The following NEK10 variants were observed in gnomAD, a reference collection of about 807,000 sequenced individuals.
NEK10 encodes NIMA related kinase 10.
Under a neutral mutation model 159.8 loss-of-function variants are expected in NEK10, and 122 were observed. The ratio of observed to expected loss-of-function variants is 0.76; its 90% CI spans 0.66 to 0.89. NEK10 has a LOEUF of 0.89. Among genes scored for constraint, NEK10 ranks in the 40% least tolerant of loss-of-function variants. The pLI, the probability that NEK10 is intolerant of heterozygous loss-of-function variation, is 0.00. For synonymous variants in NEK10, 466 were observed against 457.1 expected (o/e 1.02, Z -0.25); for missense variants, 1,342 against 1,323.1 (o/e 1.01, Z -0.22).
chr3:27,153,615 C>T (rs1031010276), intron 30 of NEK10, among the ~76,000 whole-genome samples: 2 of 152,216 alleles, frequency 1.3e-5, no homozygotes, highest in Non-Finnish European at 2.9e-5. Context: ...CTCTCTTAGA[C>T]CACAGTGGAC....
intron 26 of NEK10, among the ~76,000 whole-genome samples, chr3:27,187,079 T>C (rs1215092116): frequency 2.6e-5 from 4 of 152,176 alleles, no homozygotes; most frequent in Admixed American, 1.3e-4. Context: ...GGTAATTCTT[T>C]GGGTTTAAGC....
chr3:27,116,595 T>C (rs1266969312), intron 33 of NEK10, among the ~76,000 whole-genome samples: 3 of 152,154 alleles, frequency 2.0e-5, no homozygotes. Context: ...TTCATATAGC[T>C]GCCTAGAGGG....
At chr3:27,307,715 T>C (rs1012596285) in intron 11 of NEK10, 144 bp downstream of exon 11, 1 of 624,128 alleles carries the variant, frequency 1.6e-6, no homozygotes, top group Non-Finnish European at 2.8e-6. Context: ...ATTTTCTTTA[T>C]ATAAACTTAA....
At chr3:27,255,869 C>A (rs760412696) in intron 23 of NEK10, among the ~76,000 whole-genome samples, 1 of 152,050 alleles carries the variant, frequency 6.6e-6, no homozygotes, top group Non-Finnish European at 1.5e-5. Context: ...TATTAGTGTA[C>A]AAAAATCCTT....
intron 26 of NEK10, among the ~76,000 whole-genome samples, chr3:27,182,840 C>T (rs1030896341): frequency 6.6e-6 from 1 of 151,856 alleles, no homozygotes; most frequent in Non-Finnish European, 1.5e-5. Flanking sequence ...AAGAGAAATA[C>T]AAAATGTTCC....
intron 30 of NEK10, among the ~76,000 whole-genome samples, chr3:27,158,572 T>C (rs1163647210): frequency 6.6e-6 from 1 of 152,130 alleles, no homozygotes; most frequent in East Asian, 1.9e-4. Flanking sequence ...TAGGAAAACA[T>C]AATTAAGGAC....
At chr3:27,185,895 C>A (rs1306846413) in intron 26 of NEK10, among the ~76,000 whole-genome samples, 1 of 152,076 alleles carries the variant, frequency 6.6e-6, no homozygotes, top group African/African-American at 2.4e-5. Context: ...ATGCAAGATA[C>A]TGAGAATGAG....
intron 30 of NEK10, 45 bp from the exon 31 acceptor site, chr3:27,141,627 G>T (rs542814838): frequency 2.1e-6 from 3 of 1,423,182 alleles, no homozygotes; most frequent in South Asian, 1.2e-5. Context: ...TCTTTCAAAA[G>T]TTACATTAGT....
intron 30 of NEK10, among the ~76,000 whole-genome samples, chr3:27,144,209 A>ATC (rs1944066417): frequency 1.3e-5 from 2 of 152,078 alleles, no homozygotes; most frequent in Admixed American, 1.3e-4. Flanking sequence ...TTTTTCACTT[A>ATC]GTCTATCATG....
At chr3:27,175,587 C>G (rs1358650005) in intron 26 of NEK10, among the ~76,000 whole-genome samples, 2 of 152,102 alleles carry the variant, frequency 1.3e-5, no homozygotes, top group African/African-American at 2.4e-5. Context: ...AAGAGAAAGA[C>G]CGTGCGGAAG....
At chr3:27,314,103 A>G (rs1286670469) in intron 7 of NEK10, among the ~76,000 whole-genome samples, 194 bp downstream of exon 7, 2 of 152,174 alleles carry the variant, frequency 1.3e-5, no homozygotes, top group Non-Finnish European at 2.9e-5. Flanking sequence ...CCAATTAGCC[A>G]GAACAAAATG....
intron 23 of NEK10, among the ~76,000 whole-genome samples, chr3:27,251,108 A>G (rs535654182): frequency 6.6e-6 from 1 of 152,312 alleles, no homozygotes; most frequent in Non-Finnish European, 1.5e-5. Flanking sequence ...ATCCTAGGAC[A>G]TGGGCACTAT....
intron 23 of NEK10, among the ~76,000 whole-genome samples, chr3:27,240,042 T>A (rs937031687): frequency 3.3e-5 from 5 of 152,220 alleles, no homozygotes; most frequent in African/African-American, 9.6e-5. Context: ...TCAAACTAAA[T>A]GTTCCTTTTC....
chr3:27,129,367 G>A (rs1416000293), intron 32 of NEK10, among the ~76,000 whole-genome samples: 2 of 152,024 alleles, frequency 1.3e-5, no homozygotes, highest in African/African-American at 2.4e-5. Context: ...TAGAAATCAA[G>A]TGCATTTACG....
chr3:27,284,513 A>G (rs567521740), intron 22 of NEK10, 89 bp downstream of exon 22: 18 of 748,974 alleles, frequency 2.4e-5, no homozygotes, highest in African/African-American at 2.2e-4. Context: ...GAACATTCCC[A>G]TGAGTGCCAA....
intron 15 of NEK10, among the ~76,000 whole-genome samples, chr3:27,294,430 G>A (rs752332283): frequency 1.3e-5 from 2 of 152,188 alleles, no homozygotes; most frequent in Non-Finnish European, 2.9e-5. Context: ...AAGGAGCCAG[G>A]TGAGAGCAGT....
In NEK10 at chr3:27,109,378, TAAAAAAA is replaced by T. The variant is rs369638958; in HGVS notation, c.*1887_*1893del. 1.4e-4 allele frequency among the ~76,000 whole-genome samples: 17 copies of T among 117,248 alleles called. No homozygotes were observed. The highest frequency in any genetic ancestry group is 7.8e-4 in the East Asian group (3 of 3,864). The allele number at this position is 117,248 out of a possible 152,430, so 76.9% of individuals were successfully genotyped here. ...TGGGCAACAGAGTGAGACTCTGTCT[TAAAAAAA>T]AAAAAAAAAAAAAAGAGTTAGATGG... On this transcript the variant is annotated 3_prime_UTR_variant, in exon 36 of 36. Transcript: ENST00000691995.
intron 23 of NEK10, among the ~76,000 whole-genome samples, chr3:27,244,523 C>T (rs1559352712): frequency 6.6e-6 from 1 of 152,128 alleles, no homozygotes; most frequent in Non-Finnish European, 1.5e-5. Flanking sequence ...AGGGACACTG[C>T]AGGAGGAAGA....
At position 27,273,008 on chromosome 3, in the gene NEK10, CCT is replaced by C. The variant is rs59970315; in HGVS notation, c.2014+11592_2014+11593del. 6.5e-3 allele frequency among the ~76,000 whole-genome samples: 996 copies of C among 152,232 alleles called. 47 individuals carry two copies. Among genetic ancestry groups the C allele is most frequent in the Admixed American group, 0.055 (834 of 15,288 alleles). The stretch of plus-strand genomic sequence containing the variant: ...AAGGAAAACAGCTGATTGGGAAAAG[CCT>C]CTGTGACAAATGGTGACTGGGTTAA... On this transcript the variant is annotated intron_variant, in intron 22 of 35. Coordinates refer to ENST00000691995, the MANE Select transcript of NEK10 (RefSeq NM_001394966.1).
Sources: allele counts gnomAD v4.1 joint callset (sites outside exome capture counted in the v4.1 genomes callset), GRCh38; gene constraint gnomAD v4.1.1; transcripts MANE v1.5; gene names NCBI Gene and HGNC (gene_info 2026-07-23, HGNC 2026-07-21).